The following MAP7 variants were observed in gnomAD, a reference collection of about 807,000 sequenced individuals.
MAP7 encodes ensconsin.
In MAP7, 52 loss-of-function variants were observed where a neutral mutation model predicts 94.8. The observed-to-expected ratio is 0.55, with a 90% CI of 0.44 to 0.69. The LOEUF is 0.69. Among genes scored for constraint, MAP7 ranks in the 30% least tolerant of loss-of-function variants. The pLI is 0.00. For missense variants in MAP7, 940 were observed against 964.6 expected (o/e 0.97, Z 0.34); for synonymous variants, 350 against 357.0 (o/e 0.98, Z 0.22).
chr6:136,546,958 G>A (rs768074567), intron 1 of MAP7, among the ~76,000 whole-genome samples: 4 of 152,070 alleles, frequency 2.6e-5, no homozygotes, highest in African/African-American at 4.8e-5. Context: ...TAATAATAAC[G>A]TTTCCTCCTA....
At chr6:136,365,176 T>C (rs1793940549) in intron 10 of MAP7, 1 of 152,326 alleles carries the variant, frequency 6.6e-6, no homozygotes, top group Admixed American at 6.5e-5. Context: ...TCATGGCTAT[T>C]ATGATGTTCT....
chr6:136,360,857 A>AG (rs1792458076), intron 12 of MAP7, 59 bp from the exon 13 acceptor site: 2 of 1,590,480 alleles, frequency 1.3e-6, no homozygotes, highest in Non-Finnish European at 8.6e-7. Flanking sequence ...CGGGTCTCCC[A>AG]GGGGGTGCCC....
intron 1 of MAP7, among the ~76,000 whole-genome samples, chr6:136,443,317 C>T (rs554113084): frequency 1.6e-4 from 24 of 152,176 alleles, no homozygotes; most frequent in African/African-American, 5.8e-4. Context: ...TTTTCCTCAT[C>T]CAAATTTACA....
chr6:136,534,455 T>A (rs1008321325), intron 1 of MAP7, among the ~76,000 whole-genome samples: 1 of 152,228 alleles, frequency 6.6e-6, no homozygotes, highest in African/African-American at 2.4e-5. Flanking sequence ...CCCAGCAACA[T>A]CTAATGTTTG....
At chr6:136,376,336 C>T (rs1562328799) in intron 7 of MAP7, among the ~76,000 whole-genome samples, 1 of 152,060 alleles carries the variant, frequency 6.6e-6, no homozygotes. Flanking sequence ...CTGACCTCAA[C>T]GATCTGCCCA....
Position 136,344,176 on chromosome 6 carries a change from T to C in MAP7, c.*52A>G, listed in dbSNP as rs1787066998. ...CTTTATAGCAGGAAAGGAATTCCAT[T>C]AATTGTAGAAATTCTCATTAAATTT... On this transcript the variant is annotated 3_prime_UTR_variant, in exon 18 of 18. Transcript: ENST00000354570. 1 of 1,020,106 alleles carries C rather than the reference T, an allele frequency of 9.8e-7. No homozygotes were observed. The highest frequency in any genetic ancestry group is 1.4e-6 in the Non-Finnish European group (1 of 739,124). The allele number at this position is 1,020,106 out of a possible 1,614,324, so 63.2% of individuals were successfully genotyped here.
At chr6:136,433,864 A>G (rs954190230) in intron 1 of MAP7, among the ~76,000 whole-genome samples, 1 of 152,196 alleles carries the variant, frequency 6.6e-6, no homozygotes, top group Non-Finnish European at 1.5e-5. Flanking sequence ...AGAATCAGGA[A>G]GCTGTTGTGC....
chr6:136,426,463 C>A (rs1330683542), intron 1 of MAP7, among the ~76,000 whole-genome samples: 1 of 152,162 alleles, frequency 6.6e-6, no homozygotes, highest in Non-Finnish European at 1.5e-5. Flanking sequence ...TAGACCGATT[C>A]AATTTTCTAA....
At chr6:136,417,658 T>C (rs913646502) in intron 2 of MAP7, among the ~76,000 whole-genome samples, 2 of 152,052 alleles carry the variant, frequency 1.3e-5, no homozygotes, top group Non-Finnish European at 2.9e-5. Flanking sequence ...CTCAGAGAAA[T>C]AGATATGACT....
At chr6:136,447,324 G>T (rs113262986) in intron 1 of MAP7, among the ~76,000 whole-genome samples, 39 of 152,262 alleles carry the variant, frequency 2.6e-4, no homozygotes, top group African/African-American at 9.4e-4. Flanking sequence ...ATCTGGCAAG[G>T]CTTCTCATTT....
rs755364271 is a variant in MAP7, at chr6:136,365,838, C to G, written c.1170G>C (p.Gln390His). The G allele has an allele frequency of 1.2e-6, 2 of 1,614,154 alleles. No homozygotes were observed. The highest frequency in any genetic ancestry group is 4.5e-5 in the East Asian group (2 of 44,868). ...PEKKDPEKEP[Q>H]KVANEPSLKG... is the part of the protein sequence containing the mutation. Reference sequence around the variant, plus strand: ...TTAGTGAGGGCTCATTGGCAACTTTCTGAGGTTCCTTCTCAGGATCTTTCT... The same window carrying G: ...TTAGTGAGGGCTCATTGGCAACTTTGTGAGGTTCCTTCTCAGGATCTTTCT... The change falls in exon 10 of 18, where the codon CAG becomes CAC. Residue 390 changes from glutamine to histidine, a missense_variant. Gln to His is a conservative substitution (Grantham distance 24, BLOSUM62 0). Transcript: ENST00000354570.
Position 136,515,469 on chromosome 6 carries a change from T to C in MAP7, c.67+34873A>G, listed in dbSNP as rs370315925. The stretch of plus-strand genomic sequence containing the variant: ...TCTCAGCCTATCTAGGCTTTCAACA[T>C]GCCTTCCCTCACTAGGCTTAATCAT... On this transcript the variant is annotated intron_variant, in intron 1 of 17. Coordinates refer to ENST00000354570, the MANE Select transcript of MAP7 (RefSeq NM_003980.6). Among the ~76,000 whole-genome samples the C allele has an allele frequency of 4.6e-5, 7 of 152,354 alleles. No homozygotes were observed. The East Asian group carries it at 1.4e-3, about 29-fold the overall frequency.
chr6:136,395,035 G>A (rs768500992), intron 3 of MAP7, among the ~76,000 whole-genome samples: 34 of 138,036 alleles, frequency 2.5e-4, no homozygotes, highest in African/African-American at 6.4e-4. Context: ...CTTGGCTATC[G>A]TGAATAGTCT....
intron 1 of MAP7, among the ~76,000 whole-genome samples, chr6:136,485,946 C>T (rs1398637388): frequency 6.6e-6 from 1 of 152,010 alleles, no homozygotes; most frequent in Non-Finnish European, 1.5e-5. Flanking sequence ...CATTAGTAGG[C>T]TCCACAAGTT....
At chr6:136,353,315 A>G (rs1402079339) in intron 16 of MAP7, among the ~76,000 whole-genome samples, 2 of 152,196 alleles carry the variant, frequency 1.3e-5, no homozygotes, top group African/African-American at 2.4e-5. Context: ...AATGACATGA[A>G]CCAGCTGAAC....
chr6:136,356,143 A>G (rs1790855573), intron 16 of MAP7, among the ~76,000 whole-genome samples: 1 of 152,228 alleles, frequency 6.6e-6, no homozygotes, highest in African/African-American at 2.4e-5. Flanking sequence ...ATATACACAA[A>G]GAAAACTAAC....
rs755086831 is a variant in MAP7 at position 136,366,460 on chromosome 6, T to A, written c.877-21A>T. ...TAGCTCTAAGTTCAGAGAAACTCAA[T>A]AGTTAGATTTTTCCACAAGCGAGGC... On this transcript the variant is annotated intron_variant, in intron 8 of 17. Coordinates refer to ENST00000354570, the MANE Select transcript of MAP7 (RefSeq NM_003980.6). 1.2e-5 allele frequency: 19 copies of A among 1,528,308 alleles called. No homozygotes were observed. In the South Asian group the frequency reaches 1.9e-4, roughly 15 times the overall value. 94.7% of individuals were successfully genotyped at this position (1,528,308 alleles called of 1,614,324 possible).
At position 136,362,539 on chromosome 6, in the gene MAP7, G is replaced by A; in HGVS notation, c.1437C>T (p.Ala479=). The A allele has an allele frequency of 1.9e-6, 3 of 1,614,118 alleles. No homozygotes were observed. Among genetic ancestry groups the A allele is most frequent in the Non-Finnish European group, 2.5e-6 (3 of 1,180,030 alleles). Residue 479 remains alanine (A), a synonymous_variant, in exon 11 of 18, where the codon GCC becomes GCT. Coordinates refer to ENST00000354570, the MANE Select transcript of MAP7 (RefSeq NM_003980.6). ...TSAGTTDPEE[A]TRLLAEKRRL... is the part of the protein sequence containing the mutation. ...GCCTCTTCTCAGCTAGAAGCCTTGT[G>A]GCCTCCTCTGGGTCGGTGGTGCCTG... is the stretch of plus-strand genomic sequence containing the variant.
At chr6:136,449,981 G>A (rs1339511368) in intron 1 of MAP7, among the ~76,000 whole-genome samples, 2 of 152,194 alleles carry the variant, frequency 1.3e-5, no homozygotes, top group Non-Finnish European at 2.9e-5. Context: ...CTGAGGTCAG[G>A]AGTTTGAGAC....
Sources: gnomAD v4.1 joint callset for allele counts (sites outside exome capture counted in the v4.1 genomes callset) on GRCh38, gnomAD v4.1.1 for gene constraint, MANE v1.5 for transcripts, NCBI Gene and HGNC (gene_info 2026-07-23, HGNC 2026-07-21) for gene names.